The following RBFOX1 variants were observed in gnomAD, a reference collection of about 807,000 sequenced individuals.
RBFOX1 encodes RNA binding protein fox-1 homolog 1.
RBFOX1 carries 8 observed loss-of-function variants against 57.7 expected under a neutral mutation model. The observed-to-expected ratio is 0.14, with a 90% CI of 0.08 to 0.25. The LOEUF (loss-of-function observed/expected upper bound fraction) is 0.25. Ranked by LOEUF, RBFOX1 falls within the 10% of genes least tolerant of loss-of-function variation. The pLI is 1.00. For missense variants in RBFOX1, 611 were observed against 548.5 expected, an observed-to-expected ratio of 1.11 and a Z score of -1.14; for synonymous variants, 326 against 222.4, an observed-to-expected ratio of 1.47 and a Z score of -4.15.
intron 4 of RBFOX1, among the ~76,000 whole-genome samples, chr16:7,116,596 G>C (rs1040677549): frequency 1.3e-5 from 2 of 152,100 alleles, no homozygotes; most frequent in Non-Finnish European, 2.9e-5. Flanking sequence ...TTTTGGAAAA[G>C]AAAAACAAAG....
intron 1 of RBFOX1, among the ~76,000 whole-genome samples, chr16:5,253,116 C>T (rs2062495830): frequency 6.6e-6 from 1 of 152,166 alleles, no homozygotes. Context: ...GCCCTTTCTC[C>T]CCTTTAGCAA....
chr16:6,874,706 A>T (rs1466576530), intron 3 of RBFOX1, among the ~76,000 whole-genome samples: 3 of 151,948 alleles, frequency 2.0e-5, no homozygotes, highest in East Asian at 3.9e-4. Context: ...ATTCTCGCTT[A>T]TAAGTGGGAG....
At chr16:6,754,501 T>G (rs1490138628) in intron 3 of RBFOX1, among the ~76,000 whole-genome samples, 1 of 152,136 alleles carries the variant, frequency 6.6e-6, no homozygotes, top group East Asian at 1.9e-4. Context: ...TGAGGAAAAT[T>G]GAAGCACTCT....
chr16:5,940,142 A>C (rs539464220), intron 4 of RBFOX1, among the ~76,000 whole-genome samples: 5 of 152,302 alleles, frequency 3.3e-5, no homozygotes, highest in South Asian at 4.2e-4. Flanking sequence ...CCCTGAGACC[A>C]TGGGGAAAAG....
chr16:5,811,334 G>A (rs996727329), intron 3 of RBFOX1, among the ~76,000 whole-genome samples: 12 of 151,316 alleles, frequency 7.9e-5, no homozygotes, highest in Non-Finnish European at 1.5e-5. Context: ...GGGTTTCCCT[G>A]GTTTCCCTAT....
intron 4 of RBFOX1, among the ~76,000 whole-genome samples, chr16:7,348,329 C>G (rs139254933): frequency 2.0e-5 from 3 of 152,154 alleles, no homozygotes; most frequent in East Asian, 1.9e-4. Flanking sequence ...ATCGTATTCA[C>G]AAAGATTTGT....
At chr16:7,071,701 C>A (rs1332471100) in intron 4 of RBFOX1, among the ~76,000 whole-genome samples, 2 of 151,694 alleles carry the variant, frequency 1.3e-5, no homozygotes, top group African/African-American at 4.8e-5. Context: ...GAAATACTAC[C>A]TGAATTCTAG....
intron 3 of RBFOX1, among the ~76,000 whole-genome samples, chr16:6,815,685 C>T (rs1383199336): frequency 1.3e-5 from 2 of 152,114 alleles, no homozygotes; most frequent in Non-Finnish European, 2.9e-5. Flanking sequence ...CAAACCTAGA[C>T]TTGTTCAGCG....
In RBFOX1 at chr16:7,018,222, G is replaced by A. The variant is rs79908410; in HGVS notation, c.-15-33835G>A. Among the ~76,000 whole-genome samples the A allele has an allele frequency of 1.1e-3, 166 of 152,182 alleles. 1 individual carries two copies. Among genetic ancestry groups the A allele is most frequent in the African/African-American group, 3.8e-3 (159 of 41,542 alleles). On this transcript the variant is annotated intron_variant, in intron 3 of 15. Coordinates refer to ENST00000550418, the MANE Select transcript of RBFOX1 (RefSeq NM_018723.4). ...AGTTAGTAACTACCTGAAGAAGGGG[G>A]CATTCTCTACTGGCTTGCATTCTAG...
chr16:5,828,968 G>A (rs1334538963), intron 3 of RBFOX1, among the ~76,000 whole-genome samples: 2 of 152,150 alleles, frequency 1.3e-5, no homozygotes, highest in African/African-American at 2.4e-5. Context: ...CCTCTGCTCC[G>A]GGTCTCCCAC....
intron 4 of RBFOX1, among the ~76,000 whole-genome samples, chr16:7,127,316 C>T (rs2068859020): frequency 6.6e-6 from 1 of 152,128 alleles, no homozygotes; most frequent in African/African-American, 2.4e-5. Flanking sequence ...TGCTTGGTCT[C>T]AAGAGAGAAG....
At chr16:6,526,461 A>C (rs1199595511) in intron 2 of RBFOX1, among the ~76,000 whole-genome samples, 1 of 152,176 alleles carries the variant, frequency 6.6e-6, no homozygotes, top group East Asian at 1.9e-4. Context: ...GCGGTCATTC[A>C]TGCTACAGCA....
intron 3 of RBFOX1, among the ~76,000 whole-genome samples, chr16:7,001,397 T>TA (rs1568311766): frequency 9.2e-5 from 10 of 109,064 alleles, no homozygotes; most frequent in East Asian, 4.3e-4. Flanking sequence ...TGTATGTGTA[T>TA]TTGTATATGT....
chr16:6,255,571 G>A (rs942295130), intron 1 of RBFOX1, among the ~76,000 whole-genome samples: 13 of 152,112 alleles, frequency 8.5e-5, no homozygotes, highest in Admixed American at 2.0e-4. Context: ...GGAGGAATGC[G>A]CTGTTCAGTG....
chr16:6,605,871 G>A lies in RBFOX1; in HGVS notation c.-63-48732G>A, dbSNP rs142904627. On this transcript the variant is annotated intron_variant, in intron 2 of 15. Transcript: ENST00000550418. Reference sequence around the variant, plus strand: ...TCCCAGCACTCTAGGAGTCTGAGGCGGGTGGATCACTTGAGGGCAGGAGTT... The same window carrying A: ...TCCCAGCACTCTAGGAGTCTGAGGCAGGTGGATCACTTGAGGGCAGGAGTT... Among the ~76,000 whole-genome samples the A allele has an allele frequency of 1.1e-3, 168 of 152,232 alleles. 2 individuals carry two copies. Among genetic ancestry groups the A allele is most frequent in the African/African-American group, 4.0e-3 (166 of 41,542 alleles).
intron 2 of RBFOX1, among the ~76,000 whole-genome samples, chr16:6,595,646 C>T (rs1351233493): frequency 6.6e-6 from 1 of 152,084 alleles, no homozygotes; most frequent in East Asian, 1.9e-4. Flanking sequence ...CGTTTTCCAA[C>T]GTGGGTACCC....
At chr16:5,454,911 T>G (rs1296915856) in intron 1 of RBFOX1, among the ~76,000 whole-genome samples, 4 of 94,358 alleles carry the variant, frequency 4.2e-5, no homozygotes, top group Non-Finnish European at 1.0e-4. Context: ...TCTTTCTTTC[T>G]TTCCTTTGTT....
chr16:7,087,802 G>A (rs978704799), intron 4 of RBFOX1, among the ~76,000 whole-genome samples: 4 of 152,130 alleles, frequency 2.6e-5, no homozygotes, highest in African/African-American at 9.7e-5. Flanking sequence ...GAAGTAAGGA[G>A]ACTTCTGTTT....
intron 11 of RBFOX1, among the ~76,000 whole-genome samples, chr16:7,631,109 C>G (rs2060881198): frequency 6.6e-6 from 1 of 152,168 alleles, no homozygotes; most frequent in Non-Finnish European, 1.5e-5. Flanking sequence ...ATACCACTAG[C>G]CTGCAGCTAG....
Sources: allele counts gnomAD v4.1 joint callset (sites outside exome capture counted in the v4.1 genomes callset), GRCh38; gene constraint gnomAD v4.1.1; transcripts MANE v1.5; gene names NCBI Gene and HGNC (gene_info 2026-07-23, HGNC 2026-07-21).